GTF2B: variants seen among roughly 807,000 people sequenced by gnomAD.
The protein encoded by GTF2B is general transcription factor IIB.
In GTF2B, 20 loss-of-function variants were observed where a neutral mutation model predicts 34.6. That is an observed-to-expected ratio of 0.58 (90% CI 0.41 to 0.84). GTF2B has a LOEUF of 0.84. GTF2B is among the 40% of genes least tolerant of loss of function. The pLI, the probability that GTF2B is intolerant of heterozygous loss-of-function variation, is 0.00. For missense variants in GTF2B, 237 were observed against 393.3 expected, an observed-to-expected ratio of 0.60 and a Z score of 3.36; for synonymous variants, 142 against 132.4, an observed-to-expected ratio of 1.07 and a Z score of -0.50.
intron 2 of GTF2B, among the ~76,000 whole-genome samples, chr1:88,883,222 C>G (rs1010269093): frequency 6.6e-6 from 1 of 152,162 alleles, no homozygotes; most frequent in South Asian, 2.1e-4. Flanking sequence ...GCAGCAAAAG[C>G]TAATTTTCAA....
intron 2 of GTF2B, among the ~76,000 whole-genome samples, chr1:88,870,154 C>T (rs1162552904): frequency 6.6e-6 from 1 of 152,062 alleles, no homozygotes; most frequent in Non-Finnish European, 1.5e-5. Flanking sequence ...TCTCGATCTC[C>T]TGACCTTGTG....
chr1:88,864,746 A>C (rs975914292), intron 2 of GTF2B, among the ~76,000 whole-genome samples: 6 of 152,244 alleles, frequency 3.9e-5, no homozygotes, highest in Non-Finnish European at 8.8e-5. Context: ...AAACCTTATT[A>C]TTACTGTTTT....
At chr1:88,872,938 T>C (rs903114683) in intron 2 of GTF2B, among the ~76,000 whole-genome samples, 2 of 152,210 alleles carry the variant, frequency 1.3e-5, no homozygotes, top group African/African-American at 2.4e-5. Flanking sequence ...TTAAACTATA[T>C]TAGGGGCACA....
chr1:88,853,669 T>C (rs1407557299), intron 6 of GTF2B, among the ~76,000 whole-genome samples: 2 of 152,070 alleles, frequency 1.3e-5, no homozygotes, highest in Non-Finnish European at 2.9e-5. Context: ...CCAGGCGTGG[T>C]GGCATGCGCC....
At chr1:88,891,273 G>A (rs1674197880) in intron 1 of GTF2B, among the ~76,000 whole-genome samples, 1 of 152,124 alleles carries the variant, frequency 6.6e-6, no homozygotes, top group African/African-American at 2.4e-5. Context: ...AAGACTCCAG[G>A]GCAATAACGT....
At chr1:88,853,883 A>G (rs1673243982) in intron 6 of GTF2B, among the ~76,000 whole-genome samples, 1 of 152,134 alleles carries the variant, frequency 6.6e-6, no homozygotes, top group Non-Finnish European at 1.5e-5. Flanking sequence ...TCTCAAAAAA[A>G]AAGTGGGAGC....
At chr1:88,886,612 A>G (rs1402255565) in intron 2 of GTF2B, among the ~76,000 whole-genome samples, 1 of 152,230 alleles carries the variant, frequency 6.6e-6, no homozygotes, top group African/African-American at 2.4e-5. Flanking sequence ...AAGTTTGATT[A>G]CATGTATTCA....
rs1428090201 is a variant in GTF2B at position 88,887,478 on chromosome 1, C to T, written c.18-111G>A. 8.3e-6 allele frequency: 6 copies of T among 720,952 alleles called. No homozygotes were observed. The East Asian group carries it at 1.3e-4, about 16-fold the overall frequency. 44.7% of individuals were successfully genotyped at this position (720,952 alleles called of 1,614,324 possible). On this transcript the variant is annotated intron_variant, in intron 1 of 6. Coordinates refer to ENST00000370500, the MANE Select transcript of GTF2B (RefSeq NM_001514.6). ...GATTGTGAACGTTTTTTCATACATA[C>T]AACTGTAACACATATAAGCTAGATT...
At chr1:88,867,553 A>G (rs1673589944) in intron 2 of GTF2B, among the ~76,000 whole-genome samples, 1 of 152,252 alleles carries the variant, frequency 6.6e-6, no homozygotes, top group African/African-American at 2.4e-5. Flanking sequence ...TAAGCTAAAA[A>G]AAATCAACAA....
At chr1:88,858,800 T>C (rs1328541441) in intron 5 of GTF2B, 1 of 151,586 alleles carries the variant, frequency 6.6e-6, no homozygotes, top group Non-Finnish European at 1.5e-5. Context: ...AAATGAAAAA[T>C]ACCAGTTCTT....
chr1:88,887,679 A>G (rs1369821167), intron 1 of GTF2B: 1 of 299,854 alleles, frequency 3.3e-6, no homozygotes, highest in African/African-American at 2.3e-5. Context: ...TTAGTATAGT[A>G]ATGACTAGTT....
chr1:88,880,575 G>C (rs561032447), intron 2 of GTF2B, among the ~76,000 whole-genome samples: 19 of 152,298 alleles, frequency 1.2e-4, no homozygotes, highest in African/African-American at 4.1e-4. Flanking sequence ...ACTGACTCCA[G>C]AGAGCTGAAC....
chr1:88,865,721 C>T (rs1240787565), intron 2 of GTF2B, among the ~76,000 whole-genome samples: 1 of 151,716 alleles, frequency 6.6e-6, no homozygotes, highest in Non-Finnish European at 1.5e-5. Context: ...CGTGGTGGCA[C>T]ATGCCTGTAA....
intron 6 of GTF2B, among the ~76,000 whole-genome samples, chr1:88,855,692 C>T (rs1025927515): frequency 6.6e-6 from 1 of 152,044 alleles, no homozygotes; most frequent in Non-Finnish European, 1.5e-5. Context: ...CTCACTCCAT[C>T]AACCCAGGCT....
At chr1:88,877,405 A>C (rs1420104533) in intron 2 of GTF2B, among the ~76,000 whole-genome samples, 1 of 152,258 alleles carries the variant, frequency 6.6e-6, no homozygotes, top group African/African-American at 2.4e-5. Context: ...TCATTGTGAA[A>C]TAATTTATAA....
chr1:88,865,736 A>G (rs1467989826), intron 2 of GTF2B, among the ~76,000 whole-genome samples: 1 of 152,010 alleles, frequency 6.6e-6, no homozygotes, highest in Non-Finnish European at 1.5e-5. Flanking sequence ...CTGTAATCCC[A>G]GCTACTCAGG....
At chr1:88,886,191 A>G (rs1224721447) in intron 2 of GTF2B, among the ~76,000 whole-genome samples, 1 of 152,102 alleles carries the variant, frequency 6.6e-6, no homozygotes, top group African/African-American at 2.4e-5. Context: ...ATACTTTAAA[A>G]CTCCCACTAT....
chr1:88,884,274 C>T (rs1000826361), intron 2 of GTF2B, among the ~76,000 whole-genome samples: 1 of 152,152 alleles, frequency 6.6e-6, no homozygotes, highest in Non-Finnish European at 1.5e-5. Context: ...GATCCATCCG[C>T]CTCAGCCTCC....
intron 3 of GTF2B, among the ~76,000 whole-genome samples, chr1:88,861,406 T>G (rs1673437977): frequency 6.6e-6 from 1 of 152,262 alleles, no homozygotes; most frequent in African/African-American, 2.4e-5. Context: ...GGCCCATGCC[T>G]GTAATCCTGG....
Sources: gnomAD v4.1 joint callset for allele counts (sites outside exome capture counted in the v4.1 genomes callset) on GRCh38, gnomAD v4.1.1 for gene constraint, MANE v1.5 for transcripts, NCBI Gene and HGNC (gene_info 2026-07-23, HGNC 2026-07-21) for gene names.